Variants in TSNARE1 observed in about 807,000 individuals in gnomAD.
TSNARE1 encodes the protein t-SNARE domain containing 1, also known as t-SNARE domain-containing protein 1.
A neutral mutation model predicts 62.0 loss-of-function variants in TSNARE1; 49 were observed. That is an observed-to-expected ratio of 0.79 (90% CI 0.63 to 1.00). The LOEUF (loss-of-function observed/expected upper bound fraction) is 1.00, where lower values mean the gene tolerates loss of function less well. TSNARE1 is among the 50% of genes least tolerant of loss of function. TSNARE1 has a pLI of 0.00. For missense variants in TSNARE1, 755 were observed against 700.1 expected (o/e 1.08, Z -0.88); for synonymous variants, 328 against 294.4 (o/e 1.11, Z -1.17).
chr8:142,396,819 C>G (rs1054685987), intron 1 of TSNARE1, among the ~76,000 whole-genome samples: 1 of 152,214 alleles, frequency 6.6e-6, no homozygotes, highest in Non-Finnish European at 1.5e-5. Flanking sequence ...AGGTGCCTGA[C>G]AGATGCCCTG....
intron 6 of TSNARE1, among the ~76,000 whole-genome samples, chr8:142,324,129 T>G (rs1446018694): frequency 6.6e-6 from 1 of 152,166 alleles, no homozygotes; most frequent in Non-Finnish European, 1.5e-5. Flanking sequence ...GACCCATTTG[T>G]CACCTCAAGA....
rs1823822307 is a variant in TSNARE1 at position 142,291,895 on chromosome 8, G to A, written c.1291-7410C>T. Reference sequence around the variant, plus strand: ...TGTGAGGTGTGGGGTGAGGAATGAGGGAGAGGACAGTCCATTGGGAGTACG... The same window carrying A: ...TGTGAGGTGTGGGGTGAGGAATGAGAGAGAGGACAGTCCATTGGGAGTACG... On this transcript the variant is annotated intron_variant, in intron 10 of 13. Coordinates refer to ENST00000524325, the MANE Select transcript of TSNARE1 (RefSeq NM_145003.5). The surrounding 1 kb of genome is among the most constrained non-coding windows in gnomAD (Gnocchi z 4.8). Among the ~76,000 whole-genome samples, 1 of 152,036 alleles carries A rather than the reference G, an allele frequency of 6.6e-6. No homozygotes were observed. The highest frequency in any genetic ancestry group is 1.5e-5 in the Non-Finnish European group (1 of 68,000).
chr8:142,367,658 T>A (rs1835654051), intron 1 of TSNARE1, among the ~76,000 whole-genome samples: 1 of 152,208 alleles, frequency 6.6e-6, no homozygotes, highest in Non-Finnish European at 1.5e-5. Flanking sequence ...AATTATACAC[T>A]TCAAAACGGT....
intron 8 of TSNARE1, 59 bp from the exon 9 acceptor site, chr8:142,314,499 G>A (rs950196821): frequency 3.3e-6 from 5 of 1,495,152 alleles, no homozygotes; most frequent in Non-Finnish European, 4.6e-6. Flanking sequence ...GGGGAAGGGA[G>A]AAGAAATGGT....
intron 11 of TSNARE1, chr8:142,280,448 G>A (rs1180272151): frequency 4.5e-6 from 2 of 447,626 alleles, no homozygotes; most frequent in East Asian, 3.1e-4. Context: ...TCGGCACCCA[G>A]CATAGGCAGC....
At chr8:142,269,654 G>C (rs1421059548) in intron 12 of TSNARE1, 2 of 985,238 alleles carry the variant, frequency 2.0e-6, no homozygotes, top group Non-Finnish European at 1.2e-6. Flanking sequence ...TAATGGACAA[G>C]AACCCAGAAT....
intron 1 of TSNARE1, among the ~76,000 whole-genome samples, chr8:142,396,504 G>A (rs1314574165): frequency 6.6e-6 from 1 of 152,216 alleles, no homozygotes; most frequent in South Asian, 2.1e-4. Context: ...ATGGAAGGGA[G>A]GGACAGGATT....
At chr8:142,349,628 A>ATT (rs1833833469) in intron 2 of TSNARE1, among the ~76,000 whole-genome samples, 1 of 152,198 alleles carries the variant, frequency 6.6e-6, no homozygotes, top group Non-Finnish European at 1.5e-5. Context: ...ACTATAAAAG[A>ATT]AGACAGAGAA....
In TSNARE1 at chr8:142,231,485, G is replaced by A. The variant is rs761578989; in HGVS notation, c.1447-1906C>T. Among the ~76,000 whole-genome samples the A allele has an allele frequency of 1.1e-4, 16 of 152,010 alleles. 1 individual carries two copies. The highest frequency in any genetic ancestry group is 5.2e-4 in the Admixed American group (8 of 15,262). The stretch of plus-strand genomic sequence containing the variant: ...CAAAGCCCTCAGCTTACTGGTTGGC[G>A]GGGGGGCAGTCAACCCTCCTGGCAG... On this transcript the variant is annotated intron_variant, in intron 12 of 13. Coordinates refer to ENST00000524325, the MANE Select transcript of TSNARE1 (RefSeq NM_145003.5).
At chr8:142,240,454 A>G (rs1490955960) in intron 12 of TSNARE1, among the ~76,000 whole-genome samples, 1 of 152,036 alleles carries the variant, frequency 6.6e-6, no homozygotes, top group Non-Finnish European at 1.5e-5. Context: ...GACCAAAAAG[A>G]GGTAAAAATA....
intron 12 of TSNARE1, among the ~76,000 whole-genome samples, chr8:142,262,265 T>C (rs562517815): frequency 7.2e-5 from 11 of 152,144 alleles, no homozygotes; most frequent in Non-Finnish European, 1.2e-4. Context: ...TGGAATTGCA[T>C]TGAGCCTATA....
chr8:142,298,542 C>T (rs943100229), intron 10 of TSNARE1, among the ~76,000 whole-genome samples: 3 of 152,156 alleles, frequency 2.0e-5, no homozygotes, highest in Non-Finnish European at 4.4e-5. Flanking sequence ...GCTGAGTGAG[C>T]GCCAGGAGGC....
chr8:142,273,773 G>C (rs1414866343), intron 12 of TSNARE1: 6 of 985,384 alleles, frequency 6.1e-6, no homozygotes, highest in Non-Finnish European at 7.2e-6. Context: ...TCTCCACCCA[G>C]TCAGGCCCCT....
intron 2 of TSNARE1, among the ~76,000 whole-genome samples, chr8:142,353,856 C>A (rs28579408): frequency 0.19 from 28,598 of 149,174 alleles, 3,788 homozygotes; most frequent in African/African-American, 0.35. Context: ...GGCGAGGGAG[C>A]CCCTGCCTGC....
chr8:142,341,247 C>T (rs1832544941), intron 4 of TSNARE1, among the ~76,000 whole-genome samples: 1 of 152,166 alleles, frequency 6.6e-6, no homozygotes, highest in Non-Finnish European at 1.5e-5. Context: ...CTCAAGTGCC[C>T]CCTTCCCAGC....
At chr8:142,311,153 G>A (rs1398145256) in intron 9 of TSNARE1, among the ~76,000 whole-genome samples, 3 of 151,244 alleles carry the variant, frequency 2.0e-5, no homozygotes, top group Non-Finnish European at 4.4e-5. Flanking sequence ...CCCAGCCAAG[G>A]GTGGTTGTTT....
At chr8:142,310,026 G>A (rs576292689) in intron 9 of TSNARE1, among the ~76,000 whole-genome samples, 28 of 150,412 alleles carry the variant, frequency 1.9e-4, no homozygotes, top group African/African-American at 5.7e-4. Flanking sequence ...ACATCCCTGC[G>A]TTTTTCTTTT....
chr8:142,255,713 T>C (rs867713144), intron 12 of TSNARE1, among the ~76,000 whole-genome samples: 10 of 13,912 alleles, frequency 7.2e-4, no homozygotes, highest in East Asian at 3.9e-3. Flanking sequence ...ATCACCACCA[T>C]CATCACCATC....
chr8:142,260,980 G>T (rs1345402860), intron 12 of TSNARE1, among the ~76,000 whole-genome samples: 1 of 69,036 alleles, frequency 1.4e-5, no homozygotes, highest in Non-Finnish European at 3.3e-5. Flanking sequence ...GAGGGAGGGA[G>T]GGAGGAGAGA....
Sources: gnomAD v4.1 joint callset for allele counts (sites outside exome capture counted in the v4.1 genomes callset) on GRCh38, gnomAD v4.1.1 for gene constraint, Gnocchi (gnomAD v3.1) non-coding constraint, MANE v1.5 for transcripts, NCBI Gene and HGNC (gene_info 2026-07-23, HGNC 2026-07-21) for gene names.